TSNARE1: variants seen among roughly 807,000 people sequenced by gnomAD.
TSNARE1 encodes t-SNARE domain-containing protein 1.
A neutral mutation model predicts 62.0 loss-of-function variants in TSNARE1; 49 were observed. The ratio of observed to expected loss-of-function variants is 0.79; its 90% CI spans 0.63 to 1.00. The LOEUF (loss-of-function observed/expected upper bound fraction) is 1.00. TSNARE1 is among the 50% of genes least tolerant of loss of function. The pLI is 0.00. For synonymous variants in TSNARE1, 328 were observed against 294.4 expected (o/e 1.11, Z -1.17); for missense variants, 755 against 700.1 (o/e 1.08, Z -0.88).
chr8:142,402,568 G>T (rs1838374240), intron 1 of TSNARE1, among the ~76,000 whole-genome samples: 1 of 152,258 alleles, frequency 6.6e-6, no homozygotes, highest in Non-Finnish European at 1.5e-5. Flanking sequence ...GCAGGCCCCA[G>T]TACCCAGGAA....
At chr8:142,239,136 G>A (rs557245621) in intron 12 of TSNARE1, among the ~76,000 whole-genome samples, 7 of 152,352 alleles carry the variant, frequency 4.6e-5, no homozygotes, top group African/African-American at 1.7e-4. Flanking sequence ...GCCTACAGGA[G>A]AGAAAGTTCT....
At chr8:142,254,080 C>T (rs1198152672) in intron 12 of TSNARE1, among the ~76,000 whole-genome samples, 1 of 152,272 alleles carries the variant, frequency 6.6e-6, no homozygotes, top group Non-Finnish European at 1.5e-5. Context: ...CTGTGCCTCC[C>T]TTCCACCTTC....
At chr8:142,390,386 G>A (rs1403414436) in intron 1 of TSNARE1, among the ~76,000 whole-genome samples, 1 of 105,508 alleles carries the variant, frequency 9.5e-6, no homozygotes, top group African/African-American at 4.2e-5. Flanking sequence ...TGTACACTGC[G>A]GGGGACTCCG....
chr8:142,311,302 T>G (rs915475648), intron 9 of TSNARE1, among the ~76,000 whole-genome samples: 5 of 139,482 alleles, frequency 3.6e-5, no homozygotes, highest in Non-Finnish European at 7.7e-5. Context: ...TTTTTTTTTT[T>G]TTTTTTTTTT....
intron 1 of TSNARE1, among the ~76,000 whole-genome samples, chr8:142,373,695 G>C (rs929630018): frequency 6.6e-6 from 1 of 151,232 alleles, no homozygotes; most frequent in African/African-American, 2.4e-5. Flanking sequence ...GGCAAGGAAG[G>C]GCCGAGCACA....
chr8:142,276,634 C>A, intron 11 of TSNARE1: 1 of 985,414 alleles, frequency 1.0e-6, no homozygotes, highest in Non-Finnish European at 1.2e-6. Flanking sequence ...GCCCCGTGAC[C>A]ACACGCAGCC....
intron 9 of TSNARE1, among the ~76,000 whole-genome samples, chr8:142,309,963 T>G (rs1827305166): frequency 2.1e-5 from 3 of 145,208 alleles, no homozygotes; most frequent in African/African-American, 7.3e-5. Context: ...CTTGGTAAAT[T>G]GTTTTCTAAA....
intron 9 of TSNARE1, among the ~76,000 whole-genome samples, chr8:142,301,168 C>T (rs1345210442): frequency 1.3e-5 from 2 of 148,584 alleles, no homozygotes; most frequent in African/African-American, 5.0e-5. Context: ...CCCCACTTGC[C>T]CTGCCCATGC....
rs1353453897 is a variant in TSNARE1, at chr8:142,354,759, C to A, written c.-35G>T. The A allele has an allele frequency of 6.4e-7, 1 of 1,550,544 alleles. No individual in the cohort carries two copies. Among genetic ancestry groups the A allele is most frequent in the Middle Eastern group, 1.7e-4 (1 of 5,944 alleles). The stretch of plus-strand genomic sequence containing the variant: ...GATGGCAGGGCCAGCAGCCTCCACA[C>A]TGAGCTGGAGGAAACACGAAAAGCA... On this transcript the variant is annotated 5_prime_UTR_variant, in exon 2 of 14. Transcript: ENST00000524325.
chr8:142,255,890 C>CCACGTCACCAT (rs1563781495), intron 12 of TSNARE1, among the ~76,000 whole-genome samples: 57 of 37,046 alleles, frequency 1.5e-3, no homozygotes, highest in Non-Finnish European at 2.0e-3. Flanking sequence ...ATCACCACCA[C>CCACGTCACCAT]CACCACCACT....
chr8:142,280,105 G>T, intron 11 of TSNARE1: 1 of 1,162,300 alleles, frequency 8.6e-7, no homozygotes. Flanking sequence ...TCGGGCAGGT[G>T]TGCCCCGCAG....
chr8:142,392,041 G>C (rs111271637), intron 1 of TSNARE1, among the ~76,000 whole-genome samples: 4,768 of 152,048 alleles, frequency 0.031, 247 homozygotes, highest in African/African-American at 0.11. Context: ...TTCTTTTTTT[G>C]AGACGGAGTT....
Position 142,359,180 on chromosome 8 carries a change from C to T in TSNARE1, c.-39-4417G>A, listed in dbSNP as rs191299590. ...CCACTTCTCAACCCAGCTGTCCCAC[C>T]GGGCCAGCCAGGTGCTCCCATCCTG... On this transcript the variant is annotated intron_variant, in intron 1 of 13. Transcript: ENST00000524325. Among the ~76,000 whole-genome samples the T allele has an allele frequency of 1.6e-4, 25 of 152,250 alleles. 1 individual carries two copies. The highest frequency in any genetic ancestry group is 1.2e-3 in the Admixed American group (19 of 15,304).
chr8:142,231,222 A>G (rs911679083), intron 12 of TSNARE1, among the ~76,000 whole-genome samples: 2 of 152,158 alleles, frequency 1.3e-5, no homozygotes, highest in African/African-American at 4.8e-5. Context: ...AAACAGCACC[A>G]CTTCCCAGCC....
intron 12 of TSNARE1, among the ~76,000 whole-genome samples, chr8:142,266,363 A>G (rs1819130779): frequency 6.6e-6 from 1 of 152,228 alleles, no homozygotes; most frequent in African/African-American, 2.4e-5. Context: ...CTGGGATTCC[A>G]GTCCTTCACC....
rs1200969054 is a variant in TSNARE1 at position 142,218,122 on chromosome 8, GGGCTCCGTGTGACC to G, written c.*12-5823_*12-5810del. On this transcript the variant is annotated intron_variant, in intron 13 of 13. Transcript: ENST00000524325. ...AGGGCTCAGTGTGTGACCAGGATCAGGGCTCCGTGTGACCAGGATCAGGCTCAGTGTGTGGCCAG... is the reference window on the plus strand; with the variant it reads ...AGGGCTCAGTGTGTGACCAGGATCAGAGGATCAGGCTCAGTGTGTGGCCAG... Among the ~76,000 whole-genome samples the G allele has an allele frequency of 4.0e-4, 52 of 129,264 alleles. 1 individual carries two copies. The highest frequency in any genetic ancestry group is 5.4e-4 in the African/African-American group (17 of 31,766). 84.8% of individuals were successfully genotyped at this position (129,264 alleles called of 152,430 possible). A position where few individuals can be genotyped will look rare whatever the true frequency, so the allele number is the denominator to read the frequency against.
chr8:142,368,344 T>C (rs559134055), intron 1 of TSNARE1, among the ~76,000 whole-genome samples: 7 of 152,316 alleles, frequency 4.6e-5, no homozygotes, highest in African/African-American at 1.2e-4. Flanking sequence ...GTGAAAAGAT[T>C]GTTCAAGCTG....
chr8:142,281,008 C>G (rs1256695741), intron 11 of TSNARE1, among the ~76,000 whole-genome samples: 1 of 152,212 alleles, frequency 6.6e-6, no homozygotes, highest in African/African-American at 2.4e-5. Flanking sequence ...TCACTCTTCT[C>G]CTGGGGACAC....
In TSNARE1 at chr8:142,270,263, T is replaced by C. The variant is rs935383381; in HGVS notation, c.1446+4518A>G. 4.1e-6 allele frequency: 4 copies of C among 985,206 alleles called. No homozygotes were observed. In the African/African-American group the frequency reaches 7.0e-5, roughly 17 times the overall value. The allele number at this position is 985,206 out of a possible 1,614,324, so 61.0% of individuals were successfully genotyped here. On this transcript the variant is annotated intron_variant, in intron 12 of 13. Coordinates refer to ENST00000524325, the MANE Select transcript of TSNARE1 (RefSeq NM_145003.5). ...AAAGGAGGTAATGGAGGAAGAAGGA[T>C]CTGAAGACGCAGGGAAGTGCCCAGG...
Sources: allele counts gnomAD v4.1 joint callset (sites outside exome capture counted in the v4.1 genomes callset), GRCh38; gene constraint gnomAD v4.1.1; transcripts MANE v1.5; gene names NCBI Gene and HGNC (gene_info 2026-07-23, HGNC 2026-07-21).